Variants in TRAPPC1 observed in about 807,000 individuals in gnomAD.
TRAPPC1 encodes trafficking protein particle complex subunit 1.
A neutral mutation model predicts 17.2 loss-of-function variants in TRAPPC1; 10 were observed. The ratio of observed to expected loss-of-function variants is 0.58; its 90% CI spans 0.36 to 0.99. The LOEUF (loss-of-function observed/expected upper bound fraction) is 0.99. TRAPPC1 is among the 50% of genes least tolerant of loss of function. The pLI is 0.01. For synonymous variants in TRAPPC1, 85 were observed against 74.5 expected, an observed-to-expected ratio of 1.14 and a Z score of -0.72; for missense variants, 163 against 184.4, an observed-to-expected ratio of 0.88 and a Z score of 0.67.
At chr17:7,931,962 C>T (rs772407579), upstream of TRAPPC1, 1 of 754,688 alleles carries the variant, frequency 1.3e-6, no homozygotes, top group Non-Finnish European at 2.3e-6. Context: ...GAGTGCCCGT[C>T]AAGAGTTACT....
At position 7,931,092 on chromosome 17, in the gene TRAPPC1, C is replaced by T. The variant is rs1471486856; in HGVS notation, c.228G>A (p.Thr76=). The stretch of plus-strand genomic sequence containing the variant: ...TCATGACAACTTTGATCCCAGTGGG[C>T]GTCTCGTAGTAATGGAGTTTGTAAC... ...TSRYKLHYYE[T]PTGIKVVMNT... is the part of the protein sequence containing the mutation. Residue 76 remains threonine, a synonymous_variant, in exon 3 of 4, where the codon ACG becomes ACA. Transcript: ENST00000303731. 2 of 1,613,728 alleles carry T rather than the reference C, an allele frequency of 1.2e-6. No homozygotes were observed. Among genetic ancestry groups the T allele is most frequent in the African/African-American group, 1.3e-5 (1 of 74,782 alleles).
chr17:7,931,992 C>G (rs1972551562), upstream of TRAPPC1: 1 of 657,912 alleles, frequency 1.5e-6, no homozygotes, highest in Non-Finnish European at 2.7e-6. Context: ...CACGGAGCTC[C>G]GCCCCTTAGG....
At position 7,930,455 on chromosome 17, in the gene TRAPPC1, G is replaced by A. The variant is rs1427919726; in HGVS notation, c.*151C>T. 6 of 919,298 alleles carry A rather than the reference G, an allele frequency of 6.5e-6. No individual in the cohort carries two copies. Among genetic ancestry groups the A allele is most frequent in the South Asian group, 3.1e-5 (2 of 64,760 alleles). 56.9% of individuals were successfully genotyped at this position (919,298 alleles called of 1,614,324 possible). A position where few individuals can be genotyped will look rare whatever the true frequency, so the allele number is the denominator to read the frequency against. On this transcript the variant is annotated 3_prime_UTR_variant, in exon 4 of 4. Transcript: ENST00000303731. ...GGAGGGACTCTGTGGGCTTCACTCT[G>A]GTAGGAGGAGAGCATCAGGGCAGGC...
chr17:7,931,098 G>A lies in TRAPPC1; in HGVS notation c.222C>T (p.Tyr74=), dbSNP rs773796149. The part of the protein sequence containing the change: ...FQTSRYKLHY[Y]ETPTGIKVVM... ...CAACTTTGATCCCAGTGGGCGTCTCGTAGTAATGGAGTTTGTAACGGCTAG... is the reference window on the plus strand; with the variant it reads ...CAACTTTGATCCCAGTGGGCGTCTCATAGTAATGGAGTTTGTAACGGCTAG... Residue 74 remains tyrosine, a synonymous_variant, in exon 3 of 4, where the codon TAC becomes TAT. Transcript: ENST00000303731. 1.4e-5 allele frequency: 23 copies of A among 1,613,902 alleles called. No individual in the cohort carries two copies. The highest frequency in any genetic ancestry group is 1.7e-5 in the Admixed American group (1 of 59,980).
chr17:7,930,780 T>C, intron 3 of TRAPPC1, 46 bp from the exon 4 acceptor site: 1 of 1,602,504 alleles, frequency 6.2e-7, no homozygotes, highest in East Asian at 2.2e-5. Flanking sequence ...ATACTTCTGG[T>C]TTTTAGCCCC....
rs370098767 is a variant in TRAPPC1 at position 7,930,562 on chromosome 17, C to T, written c.*44G>A. 160 of 1,612,456 alleles carry T rather than the reference C, an allele frequency of 9.9e-5. No homozygotes were observed. The highest frequency in any genetic ancestry group is 3.2e-4 in the Admixed American group (19 of 59,978). On this transcript the variant is annotated 3_prime_UTR_variant, in exon 4 of 4. Coordinates refer to ENST00000303731, the MANE Select transcript of TRAPPC1 (RefSeq NM_021210.5). ...CTTAGTTGGCACAGGTTCGGAAGGG[C>T]CCCAGGCAGACATGAATTCTCCTGA...
chr17:7,931,634 G>A, intron 1 of TRAPPC1, 58 bp from the exon 2 acceptor site: 1 of 681,516 alleles, frequency 1.5e-6, no homozygotes, highest in Middle Eastern at 2.7e-4. Context: ...GGTGGGGGGT[G>A]GGAACGAGCT....
At chr17:7,930,966 G>A (rs759404889) in intron 3 of TRAPPC1, 45 bp downstream of exon 3, 3 of 1,607,582 alleles carry the variant, frequency 1.9e-6, no homozygotes, top group Non-Finnish European at 2.5e-6. Context: ...GAGTCTTGGG[G>A]TTCTGAAGAG....
intron 1 of TRAPPC1, 59 bp downstream of exon 1, chr17:7,931,672 G>A: frequency 6.3e-7 from 1 of 1,583,052 alleles, no homozygotes; most frequent in African/African-American, 1.3e-5. Context: ...GGCTGGGTTG[G>A]GACTATAGGT....
chr17:7,931,840 G>A lies in TRAPPC1; in HGVS notation c.-11C>T, dbSNP rs1567899309. The A allele has an allele frequency of 1.2e-6, 2 of 1,610,668 alleles. No homozygotes were observed. The highest frequency in any genetic ancestry group is 8.5e-7 in the Non-Finnish European group (1 of 1,176,824). On this transcript the variant is annotated 5_prime_UTR_variant, in exon 1 of 4. Transcript: ENST00000303731. Reference sequence around the variant, plus strand: ...GTTGTGGACAGTCATCTGCAGGGCAGGGAGTGTGAGCCTCGCTCCGGGGCC... The same window carrying A: ...GTTGTGGACAGTCATCTGCAGGGCAAGGAGTGTGAGCCTCGCTCCGGGGCC...
chr17:7,931,350 C>T, intron 2 of TRAPPC1, 156 bp downstream of exon 2: 2 of 1,027,992 alleles, frequency 1.9e-6, no homozygotes, highest in South Asian at 1.5e-5. Flanking sequence ...CACCCCCACT[C>T]CTGCCAGCTC....
At chr17:7,931,282 C>G in intron 2 of TRAPPC1, 133 bp from the exon 3 acceptor site, 1 of 1,237,546 alleles carries the variant, frequency 8.1e-7, no homozygotes, top group Non-Finnish European at 1.1e-6. Context: ...GTAAAGACAT[C>G]GCCCATCGTC....
chr17:7,930,957 A>G, intron 3 of TRAPPC1, 54 bp downstream of exon 3: 1 of 1,597,270 alleles, frequency 6.3e-7, no homozygotes, highest in South Asian at 1.1e-5. Context: ...GAGATGAGGG[A>G]GTCTTGGGGT....
Position 7,930,519 on chromosome 17 carries a change from G to A in TRAPPC1, c.*87C>T, listed in dbSNP as rs1377546469. ...CTCTGGGCAGGGGGTGGGGGTGCGGGGGCTTACAGTGGGGGCCCTTAGTTG... is the reference window on the plus strand; with the variant it reads ...CTCTGGGCAGGGGGTGGGGGTGCGGAGGCTTACAGTGGGGGCCCTTAGTTG... On this transcript the variant is annotated 3_prime_UTR_variant, in exon 4 of 4. Coordinates refer to ENST00000303731, the MANE Select transcript of TRAPPC1 (RefSeq NM_021210.5). The A allele has an allele frequency of 6.4e-7, 1 of 1,573,416 alleles. No homozygotes were observed. Among genetic ancestry groups the A allele is most frequent in the East Asian group, 2.2e-5 (1 of 44,454 alleles).
At position 7,930,513 on chromosome 17, in the gene TRAPPC1, G is replaced by A. The variant is rs887693795; in HGVS notation, c.*93C>T. ...CTGTTGCTCTGGGCAGGGGGTGGGG[G>A]TGCGGGGGCTTACAGTGGGGGCCCT... On this transcript the variant is annotated 3_prime_UTR_variant, in exon 4 of 4. Coordinates refer to ENST00000303731, the MANE Select transcript of TRAPPC1 (RefSeq NM_021210.5). The A allele has an allele frequency of 1.3e-6, 2 of 1,540,408 alleles. No homozygotes were observed. The highest frequency in any genetic ancestry group is 8.9e-7 in the Non-Finnish European group (1 of 1,124,290).
Position 7,930,480 on chromosome 17 carries a change from C to A in TRAPPC1, c.*126G>T. The A allele has an allele frequency of 2.4e-6, 3 of 1,225,584 alleles. No individual in the cohort carries two copies. Among genetic ancestry groups the A allele is most frequent in the Non-Finnish European group, 3.5e-6 (3 of 861,558 alleles). The allele number at this position is 1,225,584 out of a possible 1,614,324, so 75.9% of individuals were successfully genotyped here. ...GGTAGGAGGAGAGCATCAGGGCAGG[C>A]CTTTAGGCTGTTGCTCTGGGCAGGG... is the stretch of plus-strand genomic sequence containing the variant. On this transcript the variant is annotated 3_prime_UTR_variant, in exon 4 of 4. Transcript: ENST00000303731.
chr17:7,930,595 G>T lies in TRAPPC1; in HGVS notation c.*11C>A. 1 of 1,614,020 alleles carries T rather than the reference G, an allele frequency of 6.2e-7. No homozygotes were observed. The highest frequency in any genetic ancestry group is 8.5e-7 in the Non-Finnish European group (1 of 1,179,984). On this transcript the variant is annotated 3_prime_UTR_variant, in exon 4 of 4. Coordinates refer to ENST00000303731, the MANE Select transcript of TRAPPC1 (RefSeq NM_021210.5). The stretch of plus-strand genomic sequence containing the variant: ...AGACATGAATTCTCCTGAGACTTGA[G>T]GTAGGTTGCTTCAGCCAGCCCGGGC...
chr17:7,930,428 G>A lies in TRAPPC1; in HGVS notation c.*178C>T. 2 of 692,550 alleles carry A rather than the reference G, an allele frequency of 2.9e-6. No homozygotes were observed. Among genetic ancestry groups the A allele is most frequent in the East Asian group, 2.8e-5 (1 of 36,062 alleles). The allele number at this position is 692,550 out of a possible 1,614,324, so 42.9% of individuals were successfully genotyped here. Reference sequence around the variant, plus strand: ...ACTGGAGAGAGGGCCTGGTGTGGAGGTGGAGGGACTCTGTGGGCTTCACTC... The same window carrying A: ...ACTGGAGAGAGGGCCTGGTGTGGAGATGGAGGGACTCTGTGGGCTTCACTC... On this transcript the variant is annotated 3_prime_UTR_variant, in exon 4 of 4. Coordinates refer to ENST00000303731, the MANE Select transcript of TRAPPC1 (RefSeq NM_021210.5).
At chr17:7,931,308 C>A (rs536520412) in intron 2 of TRAPPC1, 159 bp from the exon 3 acceptor site, 2 of 1,105,784 alleles carry the variant, frequency 1.8e-6, no homozygotes, top group Non-Finnish European at 2.6e-6. Context: ...TCAATTTAGC[C>A]CCCACCAACT....
Sources: allele counts gnomAD v4.1 joint callset, GRCh38; gene constraint gnomAD v4.1.1; transcripts MANE v1.5; gene names NCBI Gene and HGNC (gene_info 2026-07-23, HGNC 2026-07-21).